SLC30A8: variants seen among roughly 807,000 people sequenced by gnomAD.
SLC30A8 encodes the protein solute carrier family 30 member 8, also known as proton-coupled zinc antiporter SLC30A8.
SLC30A8 carries 27 observed loss-of-function variants against 36.9 expected under a neutral mutation model. That is an observed-to-expected ratio of 0.73 (90% CI 0.54 to 1.01). SLC30A8 has a LOEUF of 1.01. Among genes scored for constraint, SLC30A8 ranks in the 50% least tolerant of loss-of-function variants. The pLI, the probability that SLC30A8 is intolerant of heterozygous loss-of-function variation, is 0.00. For missense variants in SLC30A8, 439 were observed against 452.0 expected (o/e 0.97, Z 0.26); for synonymous variants, 164 against 172.4 (o/e 0.95, Z 0.38).
intron 2 of SLC30A8, among the ~76,000 whole-genome samples, chr8:117,060,097 A>G (rs1183768080): frequency 6.6e-6 from 1 of 152,136 alleles, no homozygotes; most frequent in East Asian, 1.9e-4. Context: ...GATGGAGATA[A>G]TGAGTTTGGA....
intron 2 of SLC30A8, among the ~76,000 whole-genome samples, chr8:117,127,975 TCA>T (rs1033856183): frequency 1.3e-5 from 2 of 152,078 alleles, no homozygotes; most frequent in Non-Finnish European, 2.9e-5. Context: ...TTATAAATTC[TCA>T]GAGAGCAGAA....
intron 4 of SLC30A8, 69 bp downstream of exon 4, chr8:117,157,913 C>CAGTT: frequency 6.4e-7 from 1 of 1,554,364 alleles, no homozygotes; most frequent in Non-Finnish European, 8.7e-7. Context: ...CAAAGTCGAC[C>CAGTT]TTTTAAAAAA....
chr8:117,084,715 TA>T (rs958035282), intron 2 of SLC30A8, among the ~76,000 whole-genome samples: 6 of 152,170 alleles, frequency 3.9e-5, no homozygotes, highest in Non-Finnish European at 8.8e-5. Context: ...AACCCCTAAG[TA>T]GATCCTATAA....
At chr8:117,041,517 CGTCT>C (rs1034860231) in intron 2 of SLC30A8, among the ~76,000 whole-genome samples, 2 of 151,970 alleles carry the variant, frequency 1.3e-5, no homozygotes, top group African/African-American at 4.8e-5. Context: ...GTGAAACCCC[CGTCT>C]CTACTAAAAA....
Position 117,161,721 on chromosome 8 carries a change from A to T in SLC30A8, c.573-17A>T. On this transcript the variant is annotated splice_polypyrimidine_tract_variant and intron_variant, in intron 4 of 7. Transcript: ENST00000456015. ...GACTGACCTCATGTGTGCTAAGAACATTGTTCTCTCTTTCAGACTAACTGT... is the reference window on the plus strand; with the variant it reads ...GACTGACCTCATGTGTGCTAAGAACTTTGTTCTCTCTTTCAGACTAACTGT... 1 of 1,609,796 alleles carries T rather than the reference A, an allele frequency of 6.2e-7. No homozygotes were observed. The highest frequency in any genetic ancestry group is 8.5e-7 in the Non-Finnish European group (1 of 1,176,956).
At chr8:117,043,472 C>G (rs1404017011) in intron 2 of SLC30A8, among the ~76,000 whole-genome samples, 1 of 152,136 alleles carries the variant, frequency 6.6e-6, no homozygotes, top group Non-Finnish European at 1.5e-5. Flanking sequence ...TGAGAGAAGC[C>G]TGGCATGTAT....
At chr8:117,097,950 T>TAAA (rs1563595020) in intron 2 of SLC30A8, among the ~76,000 whole-genome samples, 8 of 113,322 alleles carry the variant, frequency 7.1e-5, no homozygotes, top group African/African-American at 3.0e-4. Context: ...ATATATAATT[T>TAAA]TAAATAAATA....
chr8:116,950,657 T>C (rs1176618358), upstream of SLC30A8: 3 of 152,228 alleles, frequency 2.0e-5, no homozygotes, highest in African/African-American at 7.2e-5. Flanking sequence ...CTATAATTAC[T>C]GCTTCCAAAT....
chr8:116,980,293 T>C (rs1210084480), intron 1 of SLC30A8, among the ~76,000 whole-genome samples: 3 of 152,196 alleles, frequency 2.0e-5, no homozygotes, highest in Non-Finnish European at 2.9e-5. Context: ...CTACAGAGGC[T>C]GGGCCTGAAA....
At chr8:117,096,081 G>A (rs530395475) in intron 2 of SLC30A8, among the ~76,000 whole-genome samples, 15 of 152,202 alleles carry the variant, frequency 9.9e-5, no homozygotes, top group East Asian at 3.9e-4. Context: ...TCTTGTGGCC[G>A]TAGTTCTGGC....
intron 1 of SLC30A8, among the ~76,000 whole-genome samples, chr8:116,999,750 C>T (rs1035193983): frequency 5.3e-5 from 8 of 151,974 alleles, no homozygotes; most frequent in African/African-American, 1.9e-4. Flanking sequence ...TTTATATTGA[C>T]ATAGGCTTTA....
chr8:117,056,952 C>A (rs1476372910), intron 2 of SLC30A8, among the ~76,000 whole-genome samples: 1 of 152,146 alleles, frequency 6.6e-6, no homozygotes, highest in Non-Finnish European at 1.5e-5. Flanking sequence ...ATTTCAGACA[C>A]AAGTCATATT....
intron 2 of SLC30A8, among the ~76,000 whole-genome samples, chr8:117,057,353 C>A (rs898401323): frequency 6.6e-6 from 1 of 152,060 alleles, no homozygotes; most frequent in Admixed American, 6.5e-5. Context: ...ATTAATGTAT[C>A]CATTACCTAT....
At chr8:117,149,790 T>G (rs1173017449) in intron 2 of SLC30A8, among the ~76,000 whole-genome samples, 1 of 152,220 alleles carries the variant, frequency 6.6e-6, no homozygotes, top group Non-Finnish European at 1.5e-5. Context: ...ACATATTTAT[T>G]TTACAATCGT....
At chr8:117,010,141 A>G (rs539504336) in intron 1 of SLC30A8, among the ~76,000 whole-genome samples, 11 of 152,226 alleles carry the variant, frequency 7.2e-5, no homozygotes, top group Admixed American at 4.6e-4. Context: ...AAGAAGTTTA[A>G]TGGGGATAGA....
At chr8:117,059,576 A>G (rs1340798287) in intron 2 of SLC30A8, among the ~76,000 whole-genome samples, 2 of 152,264 alleles carry the variant, frequency 1.3e-5, no homozygotes, top group South Asian at 4.1e-4. Flanking sequence ...CTACTCATGA[A>G]TAATATGCAG....
chr8:116,962,088 A>G (rs966362774), intron 1 of SLC30A8, among the ~76,000 whole-genome samples: 3 of 152,058 alleles, frequency 2.0e-5, no homozygotes, highest in African/African-American at 7.2e-5. Context: ...CTAGCAGCTA[A>G]TAGCAACAAC....
chr8:117,107,347 G>A (rs1350837486), intron 2 of SLC30A8, among the ~76,000 whole-genome samples: 1 of 152,080 alleles, frequency 6.6e-6, no homozygotes, highest in Non-Finnish European at 1.5e-5. Context: ...AAAAATAATG[G>A]CAATCAGTTG....
intron 2 of SLC30A8, among the ~76,000 whole-genome samples, chr8:117,121,245 A>T (rs139900124): frequency 4.7e-4 from 71 of 152,114 alleles, no homozygotes; most frequent in African/African-American, 1.4e-3. Flanking sequence ...TAGCCTAAAC[A>T]TTCATTAATG....
Sources: gnomAD v4.1 joint callset for allele counts (sites outside exome capture counted in the v4.1 genomes callset) on GRCh38, gnomAD v4.1.1 for gene constraint, MANE v1.5 for transcripts, NCBI Gene and HGNC (gene_info 2026-07-23, HGNC 2026-07-21) for gene names.